TATDN1: variants seen among roughly 807,000 people sequenced by gnomAD.
TATDN1 encodes the protein TatD DNase domain containing 1.
In TATDN1, 40 loss-of-function variants were observed where a neutral mutation model predicts 46.4. The observed-to-expected ratio is 0.86, with a 90% CI of 0.67 to 1.12. The LOEUF is 1.12. TATDN1 is among the 50% of genes most tolerant of loss of function. The pLI is 0.00. For missense variants in TATDN1, 326 were observed against 348.4 expected (o/e 0.94, Z 0.51); for synonymous variants, 95 against 105.6 (o/e 0.90, Z 0.62).
chr8:124,509,993 T>C (rs1320828904), intron 6 of TATDN1, among the ~76,000 whole-genome samples: 1 of 143,826 alleles, frequency 7.0e-6, no homozygotes, highest in East Asian at 2.0e-4. Context: ...ATTGTACCAC[T>C]GCACTCCAGC....
chr8:124,502,286 A>G (rs977239956), intron 9 of TATDN1, among the ~76,000 whole-genome samples: 4 of 150,864 alleles, frequency 2.7e-5, no homozygotes, highest in Non-Finnish European at 4.4e-5. Context: ...GCCTGCAGTG[A>G]GCCAAGATCG....
intron 11 of TATDN1, among the ~76,000 whole-genome samples, chr8:124,493,133 C>A (rs540881791): frequency 1.1e-4 from 17 of 152,136 alleles, no homozygotes; most frequent in Non-Finnish European, 2.2e-4. Context: ...GTCTTAAAAG[C>A]AACAACCTAT....
intron 10 of TATDN1, 95 bp downstream of exon 10, chr8:124,495,377 T>C: frequency 1.1e-6 from 1 of 874,304 alleles, no homozygotes; most frequent in South Asian, 1.5e-5. Context: ...TTAAAATACT[T>C]GTTCACTTAA....
chr8:124,502,318 G>A (rs1818039832), intron 9 of TATDN1, among the ~76,000 whole-genome samples: 1 of 150,086 alleles, frequency 6.7e-6, no homozygotes, highest in Non-Finnish European at 1.5e-5. Flanking sequence ...TCCAGCCTGG[G>A]CGACTGAGTG....
In TATDN1 at chr8:124,515,995, T is replaced by C; in HGVS notation, c.238A>G (p.Arg80Gly). 1 of 1,613,680 alleles carries C rather than the reference T, an allele frequency of 6.2e-7. No homozygotes were observed. The highest frequency in any genetic ancestry group is 8.5e-7 in the Non-Finnish European group (1 of 1,179,876). ...FFSTVGCHPT[R>G]CGEFEKNNPD... ...TTATTCTTTTCAAATTCACCACATC[T>C]TGTAGGATGACATCCAACTGTACTG... Residue 80 changes from arginine (R) to glycine (G), a missense_variant, in exon 5 of 12, where the codon AGA (arginine) becomes GGA (glycine). By Grantham distance (125) the Arg-to-Gly change is moderately radical. Coordinates refer to ENST00000276692, the MANE Select transcript of TATDN1 (RefSeq NM_032026.4).
At chr8:124,531,228 T>C (rs1820924584) in intron 1 of TATDN1, among the ~76,000 whole-genome samples, 1 of 152,108 alleles carries the variant, frequency 6.6e-6, no homozygotes, top group African/African-American at 2.4e-5. Context: ...AGAAAATATT[T>C]CCTGGTCTAA....
intron 9 of TATDN1, among the ~76,000 whole-genome samples, chr8:124,497,777 G>A (rs1006762540): frequency 6.6e-6 from 1 of 152,170 alleles, no homozygotes; most frequent in Non-Finnish European, 1.5e-5. Flanking sequence ...CCAGGAGCTA[G>A]AAAATGCTGA....
chr8:124,538,983 C>G (rs1821764457), intron 1 of TATDN1, 42 bp downstream of exon 1: 1 of 1,612,680 alleles, frequency 6.2e-7, no homozygotes, highest in Non-Finnish European at 8.5e-7. Context: ...ACGCCCGGGA[C>G]AAGTCAGAAA....
chr8:124,488,794 A>C, intron 11 of TATDN1, 98 bp from the exon 12 acceptor site: 1 of 729,768 alleles, frequency 1.4e-6, no homozygotes, highest in Non-Finnish European at 2.4e-6. Context: ...ATATTGGCAC[A>C]CCTTTAATAT....
rs192341530 is a variant in TATDN1, at chr8:124,495,453, G to A, written c.664+19C>T. The A allele has an allele frequency of 1.3e-5, 20 of 1,586,634 alleles. No homozygotes were observed. The African/African-American group carries it at 2.4e-4, about 19-fold the overall frequency. ...TTGGTATGGTTTAATATGAAACAAA[G>A]TTCTGAAAACAAACTTACCTGTCTC... is the stretch of plus-strand genomic sequence containing the variant. On this transcript the variant is annotated intron_variant, in intron 10 of 11. Transcript: ENST00000276692.
chr8:124,494,441 C>A (rs1278973434), intron 10 of TATDN1: 1 of 152,644 alleles, frequency 6.6e-6, no homozygotes, highest in South Asian at 2.1e-4. Flanking sequence ...CCTGACTGCC[C>A]AAGGAAATGA....
At chr8:124,519,758 T>G (rs1819866349) in intron 3 of TATDN1, among the ~76,000 whole-genome samples, 1 of 152,202 alleles carries the variant, frequency 6.6e-6, no homozygotes, top group Non-Finnish European at 1.5e-5. Context: ...GTATGGCTTT[T>G]GGCAAATAAG....
At chr8:124,522,251 C>A in intron 2 of TATDN1, 51 bp from the exon 3 acceptor site, 1 of 1,058,714 alleles carries the variant, frequency 9.4e-7, no homozygotes, top group Non-Finnish European at 1.4e-6. Context: ...AAAAATTTGA[C>A]TTTTTTTTTT....
intron 11 of TATDN1, 68 bp from the exon 12 acceptor site, chr8:124,488,764 A>G (rs1447430101): frequency 8.5e-6 from 8 of 938,046 alleles, no homozygotes; most frequent in Non-Finnish European, 1.4e-5. Context: ...GCTATATAAT[A>G]TTTTTCCACA....
At chr8:124,518,699 T>C in intron 4 of TATDN1, 119 bp downstream of exon 4, 1 of 716,136 alleles carries the variant, frequency 1.4e-6, no homozygotes, top group East Asian at 2.5e-5. Flanking sequence ...TTTAAATCAG[T>C]CCATTTTCCT....
In TATDN1 at chr8:124,495,502, T is replaced by C. The variant is rs758532423; in HGVS notation, c.634A>G (p.Ile212Val). The C allele has an allele frequency of 6.8e-6, 11 of 1,607,368 alleles. No individual in the cohort carries two copies. Among genetic ancestry groups the C allele is most frequent in the East Asian group, 6.7e-5 (3 of 44,756 alleles). Residue 212 changes from isoleucine to valine, a missense_variant, in exon 10 of 12, where the codon ATT becomes GTT. Coordinates refer to ENST00000276692, the MANE Select transcript of TATDN1 (RefSeq NM_032026.4). Reference protein sequence around the residue: ...TEANLEVLKSIPSEKLMIETD... With the variant: ...TEANLEVLKSVPSEKLMIETD... ...TCAATCATTAATTTTTCACTAGGAA[T>C]TGACTTCAAAACTTCCAAATTAGCT...
chr8:124,495,827 A>T (rs867856389), intron 9 of TATDN1, among the ~76,000 whole-genome samples: 1 of 152,228 alleles, frequency 6.6e-6, no homozygotes, highest in Non-Finnish European at 1.5e-5. Flanking sequence ...AAAAGAATTC[A>T]TCTGCTTCTG....
rs772426665 is a variant in TATDN1 at position 124,539,008 on chromosome 8, G to GA, written c.22+16dup. The stretch of plus-strand genomic sequence containing the variant: ...CAAGTCAGAAAGACCCAAGGGCGTG[G>GA]AAAACGCTCCTCTTACCGATAAACT... On this transcript the variant is annotated intron_variant, in intron 1 of 11. Transcript: ENST00000276692. 18 of 1,612,110 alleles carry GA rather than the reference G, an allele frequency of 1.1e-5. No homozygotes were observed. The highest frequency in any genetic ancestry group is 1.5e-5 in the Non-Finnish European group (18 of 1,178,984).
intron 6 of TATDN1, among the ~76,000 whole-genome samples, chr8:124,514,654 G>A (rs948332600): frequency 2.0e-5 from 3 of 152,168 alleles, no homozygotes; most frequent in African/African-American, 7.2e-5. Context: ...TAATTAAGAT[G>A]TTTTTGAAAT....
Sources: gnomAD v4.1 joint callset for allele counts (sites outside exome capture counted in the v4.1 genomes callset) on GRCh38, gnomAD v4.1.1 for gene constraint, MANE v1.5 for transcripts, NCBI Gene and HGNC (gene_info 2026-07-23, HGNC 2026-07-21) for gene names.